The following CDH22 variants were observed in gnomAD, a reference collection of about 807,000 sequenced individuals.
CDH22 encodes the protein cadherin 22.
Under a neutral mutation model 58.4 loss-of-function variants are expected in CDH22, and 30 were observed. The ratio of observed to expected loss-of-function variants is 0.51; its 90% CI spans 0.38 to 0.70. The LOEUF (loss-of-function observed/expected upper bound fraction) is 0.70. CDH22 is among the 30% of genes least tolerant of loss of function. The pLI, the probability that CDH22 is intolerant of heterozygous loss-of-function variation, is 0.00. For synonymous variants in CDH22, 513 were observed against 558.2 expected (o/e 0.92, Z 1.14); for missense variants, 1,014 against 1,233.9 (o/e 0.82, Z 2.67).
At position 46,210,179 on chromosome 20, in the gene CDH22, C is replaced by T; in HGVS notation, c.1286+128G>A. The T allele has an allele frequency of 6.9e-6, 7 of 1,007,548 alleles. No homozygotes were observed. Among genetic ancestry groups the T allele is most frequent in the Non-Finnish European group, 9.3e-6 (7 of 754,720 alleles). 62.4% of individuals were successfully genotyped at this position (1,007,548 alleles called of 1,614,324 possible). A position where few individuals can be genotyped will look rare whatever the true frequency, so the allele number is the denominator to read the frequency against. On this transcript the variant is annotated intron_variant, in intron 7 of 11. Transcript: ENST00000537909. The surrounding 1 kb of genome is among the most constrained non-coding windows in gnomAD (Gnocchi z 4.5). ...ACCCGTGCGCCTCTCTCCGCGCCTC[C>T]CTCCCCCACGCAGCCCCTTCCTTCG...
At chr20:46,194,659 T>A (rs1448463426) in intron 8 of CDH22, among the ~76,000 whole-genome samples, 1 of 152,214 alleles carries the variant, frequency 6.6e-6, no homozygotes, top group East Asian at 1.9e-4. Flanking sequence ...CTTGGGGGAT[T>A]TATGTTTTAT....
intron 1 of CDH22, among the ~76,000 whole-genome samples, chr20:46,280,052 C>T (rs559258347): frequency 1.7e-4 from 26 of 152,212 alleles, no homozygotes; most frequent in South Asian, 1.5e-3. Flanking sequence ...GTCATGGGGA[C>T]GAGTTGGGAG....
intron 3 of CDH22, among the ~76,000 whole-genome samples, chr20:46,240,149 A>G (rs1001944331): frequency 1.3e-5 from 2 of 151,512 alleles, no homozygotes; most frequent in African/African-American, 2.4e-5. Context: ...TGGGCTGTAG[A>G]CAGAGCTGCC....
chr20:46,304,641 T>C (rs2086666505), intron 1 of CDH22, among the ~76,000 whole-genome samples: 1 of 152,184 alleles, frequency 6.6e-6, no homozygotes, highest in African/African-American at 2.4e-5. Context: ...AGCCTGCTGA[T>C]GGGGCATGGA....
At chr20:46,178,243 A>G in intron 10 of CDH22, 46 bp from the exon 11 acceptor site, 1 of 1,587,194 alleles carries the variant, frequency 6.3e-7, no homozygotes, top group Non-Finnish European at 8.6e-7. Context: ...GCCGGGGGTC[A>G]GCATCCTTGT....
In CDH22 at chr20:46,181,716, T is replaced by TTCCTTCCTTCCTTCC. The variant is rs1555800194; in HGVS notation, c.1664-3520_1664-3519insGGAAGGAAGGAAGGA. Among the ~76,000 whole-genome samples the TTCCTTCCTTCCTTCC allele has an allele frequency of 7.2e-4, 32 of 44,330 alleles. 2 individuals carry two copies. Among genetic ancestry groups the TTCCTTCCTTCCTTCC allele is most frequent in the African/African-American group, 1.3e-3 (12 of 9,600 alleles). 29.1% of individuals were successfully genotyped at this position (44,330 alleles called of 152,430 possible). ...TCTTTTCTTTTCTTTTCTTTCTTTT[T>TTCCTTCCTTCCTTCC]TTCCTTCCTTCCTTCCTTCCTTCCT... On this transcript the variant is annotated intron_variant, in intron 10 of 11. Transcript: ENST00000537909.
At chr20:46,305,326 C>T (rs1292603200) in intron 1 of CDH22, among the ~76,000 whole-genome samples, 1 of 152,192 alleles carries the variant, frequency 6.6e-6, no homozygotes, top group Admixed American at 6.5e-5. Flanking sequence ...GAAGGAGAGG[C>T]CTGAGTTGAG....
At chr20:46,196,642 G>T (rs1372431307) in intron 8 of CDH22, among the ~76,000 whole-genome samples, 2 of 152,218 alleles carry the variant, frequency 1.3e-5, no homozygotes, top group Admixed American at 1.3e-4. Flanking sequence ...GGAGAGCCGG[G>T]CTCTGGAGTC....
chr20:46,302,995 C>A (rs1402322318), intron 1 of CDH22, among the ~76,000 whole-genome samples: 1 of 152,218 alleles, frequency 6.6e-6, no homozygotes, highest in Admixed American at 6.5e-5. Flanking sequence ...GTCTTCCCCA[C>A]CCAGCAGCAG....
At chr20:46,240,876 C>A in intron 3 of CDH22, 87 bp downstream of exon 3, 2 of 1,243,124 alleles carry the variant, frequency 1.6e-6, no homozygotes, top group East Asian at 2.5e-5. Context: ...CTGTCCCTCC[C>A]CAGAGGATCA....
intron 10 of CDH22, among the ~76,000 whole-genome samples, chr20:46,182,305 C>T (rs1411492899): frequency 6.6e-6 from 1 of 152,176 alleles, no homozygotes; most frequent in Non-Finnish European, 1.5e-5. Context: ...CCTGTCCTTG[C>T]TGGGCCTGTG....
In CDH22 at chr20:46,251,467, C is replaced by A; in HGVS notation, c.-173G>T. Reference sequence around the variant, plus strand: ...GCCCGCGGCCCTGAACGCCGCCCAGCCGCGGGGGTACCCGGCTGGAGGGGG... The same window carrying A: ...GCCCGCGGCCCTGAACGCCGCCCAGACGCGGGGGTACCCGGCTGGAGGGGG... On this transcript the variant is annotated 5_prime_UTR_variant, in exon 2 of 12. Transcript: ENST00000537909. The surrounding 1 kb of genome is among the most constrained non-coding windows in gnomAD (Gnocchi z 6.7). 1 of 663,058 alleles carries A rather than the reference C, an allele frequency of 1.5e-6. No individual in the cohort carries two copies. The highest frequency in any genetic ancestry group is 2.1e-6 in the Non-Finnish European group (1 of 466,728). The allele number at this position is 663,058 out of a possible 1,614,324, so 41.1% of individuals were successfully genotyped here.
At chr20:46,176,148 G>T (rs2085736824) in intron 11 of CDH22, among the ~76,000 whole-genome samples, 1 of 152,034 alleles carries the variant, frequency 6.6e-6, no homozygotes, top group South Asian at 2.1e-4. Context: ...TAACTCAGAT[G>T]TCCTAGGATT....
chr20:46,180,272 G>T (rs1383162602), intron 10 of CDH22, among the ~76,000 whole-genome samples: 1 of 152,210 alleles, frequency 6.6e-6, no homozygotes, highest in Non-Finnish European at 1.5e-5. Context: ...ACATGGGGTG[G>T]TCACACTGGA....
intron 1 of CDH22, among the ~76,000 whole-genome samples, chr20:46,305,067 G>C (rs2086668416): frequency 6.6e-6 from 1 of 152,166 alleles, no homozygotes; most frequent in Admixed American, 6.5e-5. Flanking sequence ...CAGCCTTCCT[G>C]TCCTGCACCT....
At chr20:46,259,873 T>C (rs907370827) in intron 1 of CDH22, among the ~76,000 whole-genome samples, 1 of 151,960 alleles carries the variant, frequency 6.6e-6, no homozygotes, top group African/African-American at 2.4e-5. Context: ...AGAACAAAAA[T>C]GAAATGAGAA....
chr20:46,280,214 G>T (rs2086543755), intron 1 of CDH22, among the ~76,000 whole-genome samples: 1 of 152,186 alleles, frequency 6.6e-6, no homozygotes, highest in Non-Finnish European at 1.5e-5. Context: ...GAGCTCAGGT[G>T]TTTGAGACCA....
chr20:46,278,329 T>A (rs989679269), intron 1 of CDH22, among the ~76,000 whole-genome samples: 1 of 152,178 alleles, frequency 6.6e-6, no homozygotes, highest in Non-Finnish European at 1.5e-5. Context: ...GTGCATTGCA[T>A]GACCTTCAGT....
At chr20:46,302,914 C>A (rs1280648607) in intron 1 of CDH22, among the ~76,000 whole-genome samples, 1 of 152,194 alleles carries the variant, frequency 6.6e-6, no homozygotes, top group Non-Finnish European at 1.5e-5. Context: ...CCTGTCCATT[C>A]CACTCCCACA....
Sources: gnomAD v4.1 joint callset for allele counts (sites outside exome capture counted in the v4.1 genomes callset) on GRCh38, gnomAD v4.1.1 for gene constraint, Gnocchi (gnomAD v3.1) non-coding constraint, MANE v1.5 for transcripts, NCBI Gene and HGNC (gene_info 2026-07-23, HGNC 2026-07-21) for gene names.